The following NAALADL2 variants were observed in gnomAD, a reference collection of about 807,000 sequenced individuals.
NAALADL2 encodes N-acetylated alpha-linked acidic dipeptidase like 2, also known as inactive N-acetylated-alpha-linked acidic dipeptidase-like protein 2.
NAALADL2 carries 76 observed loss-of-function variants against 87.2 expected under a neutral mutation model. The observed-to-expected ratio is 0.87, with a 90% CI of 0.72 to 1.05. The LOEUF is 1.05. NAALADL2 is among the 50% of genes least tolerant of loss of function. NAALADL2 has a pLI of 0.00. For synonymous variants in NAALADL2, 354 were observed against 331.0 expected, an observed-to-expected ratio of 1.07 and a Z score of -0.75; for missense variants, 1,089 against 945.8, an observed-to-expected ratio of 1.15 and a Z score of -1.99.
chr3:175,467,365 C>T (rs921123569), intron 8 of NAALADL2, among the ~76,000 whole-genome samples, 181 bp downstream of exon 8: 4 of 148,118 alleles, frequency 2.7e-5, no homozygotes, highest in Admixed American at 1.3e-4. Context: ...CAGCAAACTA[C>T]GTATGACCTT....
intron 5 of NAALADL2, among the ~76,000 whole-genome samples, chr3:175,405,970 C>T (rs1712279959): frequency 6.6e-6 from 1 of 152,086 alleles, no homozygotes. Context: ...AAGGTCCAGG[C>T]AGTGCTAGAA....
At chr3:174,965,224 G>A (rs571879323) in intron 1 of NAALADL2, among the ~76,000 whole-genome samples, 87 of 152,166 alleles carry the variant, frequency 5.7e-4, no homozygotes, top group African/African-American at 2.0e-3. Context: ...ATTGGCGGGA[G>A]GCCACAATTC....
In NAALADL2 at chr3:175,656,576, A is replaced by C. The variant is rs566506040; in HGVS notation, c.1896+29190A>C. Among the ~76,000 whole-genome samples, 4 of 152,052 alleles carry C rather than the reference A, an allele frequency of 2.6e-5. No individual in the cohort carries two copies. In the East Asian group the frequency reaches 7.7e-4, roughly 29 times the overall value. On this transcript the variant is annotated intron_variant, in intron 11 of 13. Coordinates refer to ENST00000454872, the MANE Select transcript of NAALADL2 (RefSeq NM_207015.3). ...ATCCAATTTTTACCAACCATATAAC[A>C]CTACATTTAGAAAGTATTTTTTTTA...
intron 5 of NAALADL2, among the ~76,000 whole-genome samples, chr3:175,425,123 T>G (rs564427514): frequency 1.3e-5 from 2 of 152,194 alleles, no homozygotes; most frequent in Non-Finnish European, 2.9e-5. Context: ...TATGGAATTT[T>G]CTGCCTTAGA....
intron 3 of NAALADL2, among the ~76,000 whole-genome samples, chr3:174,842,279 G>T (rs1244065032): frequency 6.6e-6 from 1 of 152,024 alleles, no homozygotes; most frequent in Non-Finnish European, 1.5e-5. Context: ...TCGAACTCCT[G>T]GCCTCAGGTG....
intron 2 of NAALADL2, among the ~76,000 whole-genome samples, chr3:175,173,947 G>A (rs1271847999): frequency 7.8e-6 from 1 of 127,942 alleles, no homozygotes; most frequent in Non-Finnish European, 1.7e-5. Flanking sequence ...GTGCTTTTAA[G>A]GATGATTCTT....
chr3:174,613,263 TG>T (rs111649149), intron 2 of NAALADL2, among the ~76,000 whole-genome samples: 28,129 of 152,050 alleles, frequency 0.18, 3,228 homozygotes, highest in African/African-American at 0.32. Flanking sequence ...TACTGGGTCT[TG>T]CCCAAGGCCT....
chr3:174,768,364 C>T (rs1448621060), intron 3 of NAALADL2, among the ~76,000 whole-genome samples: 1 of 152,064 alleles, frequency 6.6e-6, no homozygotes, highest in African/African-American at 2.4e-5. Context: ...TGAGATAGAG[C>T]TGGGTTTGTG....
chr3:174,535,407 G>A (rs1291404181), intron 1 of NAALADL2, among the ~76,000 whole-genome samples: 1 of 152,106 alleles, frequency 6.6e-6, no homozygotes, highest in Non-Finnish European at 1.5e-5. Flanking sequence ...CAGAACCAAA[G>A]CTAATAGTAT....
At chr3:174,680,072 T>G (rs1443640596) in intron 2 of NAALADL2, among the ~76,000 whole-genome samples, 5 of 140,988 alleles carry the variant, frequency 3.5e-5, no homozygotes, top group Non-Finnish European at 6.1e-5. Flanking sequence ...ACTAGAAACT[T>G]AATAATATAA....
chr3:174,742,603 A>C (rs1195790812), intron 3 of NAALADL2, among the ~76,000 whole-genome samples: 1 of 151,752 alleles, frequency 6.6e-6, no homozygotes, highest in Admixed American at 6.6e-5. Context: ...CATATTATTT[A>C]CTTTTCTGTT....
intron 2 of NAALADL2, among the ~76,000 whole-genome samples, chr3:174,587,561 G>A (rs1013559480): frequency 6.6e-6 from 1 of 152,148 alleles, no homozygotes; most frequent in African/African-American, 2.4e-5. Context: ...GCTCTCATAA[G>A]GCCTGTCTGG....
chr3:174,745,276 A>G lies in NAALADL2; in HGVS notation c.-9+7530A>G, dbSNP rs1007086791. Reference sequence around the variant, plus strand: ...TAAAGGGCATATCACCACTGACCCCACAGAAATACAAACAACCATCACAGA... The same window carrying G: ...TAAAGGGCATATCACCACTGACCCCGCAGAAATACAAACAACCATCACAGA... On this transcript the variant is annotated intron_variant, in intron 3 of 3. Coordinates refer to the NAALADL2 transcript ENST00000434257. Among the ~76,000 whole-genome samples, 8 of 152,210 alleles carry G rather than the reference A, an allele frequency of 5.3e-5. 1 individual carries two copies. The highest frequency in any genetic ancestry group is 5.2e-4 in the Admixed American group (8 of 15,274).
chr3:175,190,519 C>G (rs1737988798), intron 2 of NAALADL2, among the ~76,000 whole-genome samples: 1 of 152,060 alleles, frequency 6.6e-6, no homozygotes. Flanking sequence ...GTTAGGATGT[C>G]TATTATCTAA....
At chr3:174,840,816 C>T (rs1248862452) in intron 3 of NAALADL2, among the ~76,000 whole-genome samples, 1 of 152,020 alleles carries the variant, frequency 6.6e-6, no homozygotes, top group East Asian at 1.9e-4. Context: ...TTTACAGAAA[C>T]GTCTATTTTA....
At chr3:175,295,255 A>T (rs560730626) in intron 4 of NAALADL2, among the ~76,000 whole-genome samples, 1 of 152,142 alleles carries the variant, frequency 6.6e-6, no homozygotes, top group Non-Finnish European at 1.5e-5. Flanking sequence ...ACTAGCGTTG[A>T]CCTTATACCA....
At chr3:174,589,309 G>A (rs927706278) in intron 2 of NAALADL2, among the ~76,000 whole-genome samples, 33 of 152,252 alleles carry the variant, frequency 2.2e-4, no homozygotes, top group Admixed American at 1.2e-3. Flanking sequence ...GGAATTCCCC[G>A]ACCCCTTGTG....
intron 13 of NAALADL2, among the ~76,000 whole-genome samples, chr3:175,783,593 A>T (rs1156423191): frequency 1.3e-5 from 2 of 152,006 alleles, no homozygotes; most frequent in Non-Finnish European, 2.9e-5. Context: ...CAGCTTAAGG[A>T]GATTTTGGGC....
intron 1 of NAALADL2, among the ~76,000 whole-genome samples, chr3:174,461,862 TTTA>T (rs1368609779): frequency 1.3e-5 from 2 of 152,004 alleles, no homozygotes; most frequent in African/African-American, 4.8e-5. Context: ...TGTGTGTGAG[TTTA>T]TTGTTCTTCA....
Sources: allele counts gnomAD v4.1 joint callset (sites outside exome capture counted in the v4.1 genomes callset), GRCh38; gene constraint gnomAD v4.1.1; transcripts MANE v1.5; gene names NCBI Gene and HGNC (gene_info 2026-07-23, HGNC 2026-07-21).